Variants in LY75 observed in about 807,000 individuals in gnomAD.
LY75 encodes C-type lectin domain family 13 member B.
A neutral mutation model predicts 231.7 loss-of-function variants in LY75; 185 were observed. The observed-to-expected ratio is 0.80, with a 90% confidence interval of 0.71 to 0.90. The LOEUF is 0.90. LY75 is among the 40% of genes least tolerant of loss of function. LY75 has a pLI of 0.00. For missense variants in LY75, 1,947 were observed against 2,050.2 expected (o/e 0.95, Z 0.97); for synonymous variants, 668 against 689.0 (o/e 0.97, Z 0.48).
chr2:159,842,380 C>T lies in LY75; in HGVS notation c.3151-6G>A, dbSNP rs1201368134. The T allele has an allele frequency of 1.2e-6, 2 of 1,604,064 alleles. No homozygotes were observed. Among genetic ancestry groups the T allele is most frequent in the East Asian group, 2.3e-5 (1 of 44,422 alleles). On this transcript the variant is annotated splice_polypyrimidine_tract_variant and splice_region_variant and intron_variant, in intron 23 of 34. Coordinates refer to ENST00000263636, the MANE Select transcript of LY75 (RefSeq NM_002349.4). ...CGAGACTCTTCCTCAAAAAACTAAA[C>T]AAAAAGGCAAATACATACATGCAAT...
chr2:159,848,832 T>C (rs889150455), intron 23 of LY75, among the ~76,000 whole-genome samples: 1 of 152,074 alleles, frequency 6.6e-6, no homozygotes, highest in Non-Finnish European at 1.5e-5. Context: ...TAGGAGATAG[T>C]AGGATTGGAC....
intron 16 of LY75, among the ~76,000 whole-genome samples, chr2:159,856,578 A>G (rs1684554896): frequency 6.6e-6 from 1 of 152,218 alleles, no homozygotes; most frequent in South Asian, 2.1e-4. Flanking sequence ...AGTTAGGTAC[A>G]GTACGGTCAA....
In LY75 at chr2:159,835,661, G is replaced by A. The variant is rs758387888; in HGVS notation, c.3508-16C>T. On this transcript the variant is annotated splice_polypyrimidine_tract_variant and intron_variant, in intron 25 of 34. Transcript: ENST00000263636. ...TGAGTTCATCCTGTAAGGAGCAGAA[G>A]TACATTTCAGGTGGCAATATTGATG... 6 of 1,609,308 alleles carry A rather than the reference G, an allele frequency of 3.7e-6. No individual in the cohort carries two copies. Among genetic ancestry groups the A allele is most frequent in the Non-Finnish European group, 2.5e-6 (3 of 1,178,516 alleles).
chr2:159,872,329 C>T, intron 13 of LY75, 122 bp downstream of exon 13: 2 of 1,317,880 alleles, frequency 1.5e-6, no homozygotes, highest in South Asian at 3.0e-5. Flanking sequence ...ACCAAATGAC[C>T]TTTTAGATAA....
intron 32 of LY75, 34 bp downstream of exon 32, chr2:159,810,492 T>C (rs751401126): frequency 1.9e-6 from 3 of 1,591,792 alleles, no homozygotes; most frequent in East Asian, 2.2e-5. Context: ...TAAAAATTAT[T>C]GAGTCATAAG....
In LY75 at chr2:159,872,988, A is replaced by C. The variant is rs141576411; in HGVS notation, c.1975-395T>G. Among the ~76,000 whole-genome samples the C allele has an allele frequency of 2.6e-5, 4 of 152,324 alleles. No individual in the cohort carries two copies. In the East Asian group the frequency reaches 7.7e-4, roughly 29 times the overall value. On this transcript the variant is annotated intron_variant, in intron 12 of 34. Transcript: ENST00000263636. ...TGCTAACAATAGAAATTTCGAATATAAGACACAGTGACCCACACAAAAATA... is the reference window on the plus strand; with the variant it reads ...TGCTAACAATAGAAATTTCGAATATCAGACACAGTGACCCACACAAAAATA...
At chr2:159,875,837 G>T (rs970965334) in intron 11 of LY75, among the ~76,000 whole-genome samples, 194 bp from the exon 12 acceptor site, 2 of 151,998 alleles carry the variant, frequency 1.3e-5, no homozygotes, top group African/African-American at 4.8e-5. Context: ...TTTTGAAAAA[G>T]ATTAATCCTC....
At chr2:159,805,251 G>C in intron 34 of LY75, 29 bp from the exon 35 acceptor site, 1 of 1,571,894 alleles carries the variant, frequency 6.4e-7, no homozygotes, top group Non-Finnish European at 8.7e-7. Context: ...TGATGTTGGA[G>C]GAGAGAATAC....
rs533050785 is a variant in LY75, at chr2:159,803,687, C to T, written c.*1357G>A. 6.6e-6 allele frequency: 1 copy of T among 152,324 alleles called. No homozygotes were observed. The highest frequency in any genetic ancestry group is 2.4e-5 in the African/African-American group (1 of 41,576). 9.4% of individuals were successfully genotyped at this position (152,324 alleles called of 1,614,324 possible). A position where few individuals can be genotyped will look rare whatever the true frequency, so the allele number is the denominator to read the frequency against. On this transcript the variant is annotated 3_prime_UTR_variant, in exon 35 of 35. Transcript: ENST00000263636. ...ACATTTTCACCTTTTCCAGTGGATG[C>T]TATTACTAAGACTATAATCTAGGTG...
chr2:159,871,172 A>AT (rs1347906492), intron 13 of LY75, among the ~76,000 whole-genome samples: 2 of 152,148 alleles, frequency 1.3e-5, no homozygotes, highest in African/African-American at 4.8e-5. Flanking sequence ...TTTACTAAAT[A>AT]TAAGTGTATA....
At chr2:159,825,216 C>T (rs1683423651) in intron 28 of LY75, among the ~76,000 whole-genome samples, 1 of 152,050 alleles carries the variant, frequency 6.6e-6, no homozygotes, top group South Asian at 2.1e-4. Context: ...ACTAGCCAGA[C>T]TAATAAAGAA....
At chr2:159,886,600 T>C in intron 4 of LY75, 70 bp from the exon 5 acceptor site, 1 of 1,437,544 alleles carries the variant, frequency 7.0e-7, no homozygotes, top group South Asian at 1.3e-5. Flanking sequence ...AGACTTATTC[T>C]ACTAATAACA....
rs1200936768 is a variant in LY75, at chr2:159,879,847, CT to C, written c.1405-479del. 2.6e-5 allele frequency among the ~76,000 whole-genome samples: 4 copies of C among 152,322 alleles called. No homozygotes were observed. The East Asian group carries it at 7.7e-4, about 29-fold the overall frequency. ...AAGTTTCTTTCAACTCTACTTCAATCTGGACTTCAAAATTCTCTCTTTCATA... is the reference window on the plus strand; with the variant it reads ...AAGTTTCTTTCAACTCTACTTCAATCGGACTTCAAAATTCTCTCTTTCATA... On this transcript the variant is annotated intron_variant, in intron 8 of 34. Coordinates refer to ENST00000263636, the MANE Select transcript of LY75 (RefSeq NM_002349.4).
chr2:159,866,323 C>G (rs188827101), intron 13 of LY75, among the ~76,000 whole-genome samples: 1 of 152,198 alleles, frequency 6.6e-6, no homozygotes, highest in African/African-American at 2.4e-5. Flanking sequence ...TTATTTCTTA[C>G]CTTTGTTCAA....
At chr2:159,815,099 C>T (rs1031285621) in intron 31 of LY75, among the ~76,000 whole-genome samples, 2 of 149,718 alleles carry the variant, frequency 1.3e-5, no homozygotes, top group African/African-American at 5.0e-5. Context: ...CTCCCGGGTT[C>T]ACGCCATTCT....
intron 28 of LY75, among the ~76,000 whole-genome samples, chr2:159,826,257 G>A (rs890382492): frequency 3.3e-5 from 5 of 152,190 alleles, no homozygotes; most frequent in African/African-American, 1.2e-4. Context: ...CCTCAGCAAA[G>A]TCTCAAGATA....
Position 159,824,939 on chromosome 2 carries a change from T to C in LY75, c.3959-5019A>G, listed in dbSNP as rs1683413073. 2.0e-5 allele frequency among the ~76,000 whole-genome samples: 3 copies of C among 152,082 alleles called. No homozygotes were observed. In the South Asian group the frequency reaches 6.2e-4, roughly 32 times the overall value. ...ACAAAGACACAACATATCAGAATCT[T>C]TGGGACACATTTAAAGCAGTGTGTA... On this transcript the variant is annotated intron_variant, in intron 28 of 34. Coordinates refer to ENST00000263636, the MANE Select transcript of LY75 (RefSeq NM_002349.4).
chr2:159,850,606 A>G (rs1684357018), intron 21 of LY75, 139 bp from the exon 22 acceptor site: 2 of 1,011,370 alleles, frequency 2.0e-6, no homozygotes, highest in Admixed American at 5.8e-5. Context: ...TACCATAAGA[A>G]TTCAAGTTTA....
intron 29 of LY75, among the ~76,000 whole-genome samples, chr2:159,818,491 T>C (rs74523824): frequency 0.083 from 12,667 of 151,820 alleles, 688 homozygotes; most frequent in East Asian, 0.31. Context: ...CCAGCAAAAA[T>C]AAGAAAAGTC....
Sources: allele counts gnomAD v4.1 joint callset (sites outside exome capture counted in the v4.1 genomes callset), GRCh38; gene constraint gnomAD v4.1.1; transcripts MANE v1.5; gene names NCBI Gene and HGNC (gene_info 2026-07-23, HGNC 2026-07-21).